XYLT1: variants seen among roughly 807,000 people sequenced by gnomAD.
The protein encoded by XYLT1 is beta-D-xylosyltransferase 1.
Under a neutral mutation model 91.3 loss-of-function variants are expected in XYLT1, and 36 were observed. The ratio of observed to expected loss-of-function variants is 0.39; its 90% confidence interval spans 0.30 to 0.52. The LOEUF (loss-of-function observed/expected upper bound fraction) is 0.52, where lower values mean the gene tolerates loss of function less well. Ranked by LOEUF, XYLT1 falls within the 20% of genes least tolerant of loss-of-function variation. The probability of loss-of-function intolerance (pLI) is 0.68; values close to 1 mark genes in which losing one functional copy is unlikely to be tolerated. For synonymous variants in XYLT1, 588 were observed against 532.0 expected (o/e 1.11, Z -1.45); for missense variants, 1,242 against 1,284.5 (o/e 0.97, Z 0.51).
At chr16:17,460,598 G>A (rs372206821) in intron 1 of XYLT1, among the ~76,000 whole-genome samples, 24 of 152,298 alleles carry the variant, frequency 1.6e-4, no homozygotes, top group African/African-American at 4.8e-4. Context: ...GCCAAGAGGG[G>A]CCAGCCAGGT....
At chr16:17,376,777 A>G (rs1448217372) in intron 1 of XYLT1, among the ~76,000 whole-genome samples, 1 of 135,432 alleles carries the variant, frequency 7.4e-6, no homozygotes, top group Non-Finnish European at 1.5e-5. Context: ...CAGTGAGCCG[A>G]GATTGTGCCA....
intron 1 of XYLT1, among the ~76,000 whole-genome samples, chr16:17,440,777 G>A (rs896522371): frequency 6.6e-5 from 10 of 152,148 alleles, no homozygotes; most frequent in African/African-American, 1.9e-4. Context: ...TCTCTGCTAC[G>A]ATCTATAATA....
chr16:17,155,437 T>C (rs1461891493), intron 6 of XYLT1, among the ~76,000 whole-genome samples: 2 of 152,200 alleles, frequency 1.3e-5, no homozygotes, highest in Admixed American at 6.5e-5. Flanking sequence ...CTGGTAATGT[T>C]CTTTACCCTT....
intron 11 of XYLT1, among the ~76,000 whole-genome samples, chr16:17,110,441 T>G (rs1343597856): frequency 6.6e-6 from 1 of 152,182 alleles, no homozygotes; most frequent in Non-Finnish European, 1.5e-5. Context: ...TCTGATGGTT[T>G]TTTAAAGGGG....
chr16:17,347,724 G>A (rs999587148), intron 2 of XYLT1, among the ~76,000 whole-genome samples: 1 of 152,226 alleles, frequency 6.6e-6, no homozygotes, highest in Non-Finnish European at 1.5e-5. Flanking sequence ...TGGCAGTGCT[G>A]AGCCAGCGAG....
chr16:17,382,142 G>C (rs1225647451), intron 1 of XYLT1, among the ~76,000 whole-genome samples: 1 of 151,894 alleles, frequency 6.6e-6, no homozygotes, highest in East Asian at 2.0e-4. Flanking sequence ...GATTCACAGT[G>C]AGAGAAGCCA....
chr16:17,243,649 C>T (rs13338458), intron 3 of XYLT1, among the ~76,000 whole-genome samples: 2 of 152,102 alleles, frequency 1.3e-5, no homozygotes, highest in African/African-American at 2.4e-5. Flanking sequence ...CCAAGCCGAC[C>T]GACTCAAGCT....
At chr16:17,385,132 T>C (rs1476257602) in intron 1 of XYLT1, among the ~76,000 whole-genome samples, 1 of 151,774 alleles carries the variant, frequency 6.6e-6, no homozygotes, top group African/African-American at 2.4e-5. Context: ...CATGATCCGA[T>C]GAAGAGACAA....
chr16:17,333,053 C>A (rs905929623), intron 2 of XYLT1, among the ~76,000 whole-genome samples: 20 of 150,760 alleles, frequency 1.3e-4, no homozygotes, highest in African/African-American at 4.6e-4. Flanking sequence ...TTTTTTTTTT[C>A]TTCCCTCTCA....
chr16:17,413,658 G>A (rs922774777), intron 1 of XYLT1, among the ~76,000 whole-genome samples: 1 of 152,026 alleles, frequency 6.6e-6, no homozygotes, highest in Non-Finnish European at 1.5e-5. Flanking sequence ...GGCCGGTCTT[G>A]AACTCCTGGG....
intron 3 of XYLT1, among the ~76,000 whole-genome samples, chr16:17,252,872 G>C (rs2033563373): frequency 6.6e-6 from 1 of 152,168 alleles, no homozygotes; most frequent in African/African-American, 2.4e-5. Context: ...GCACACTCTT[G>C]GCTGAAGTTT....
At position 17,108,631 on chromosome 16, in the gene XYLT1, C is replaced by T; in HGVS notation, c.*64G>A. 1 of 1,468,074 alleles carries T rather than the reference C, an allele frequency of 6.8e-7. No homozygotes were observed. The highest frequency in any genetic ancestry group is 9.0e-7 in the Non-Finnish European group (1 of 1,104,988). 90.9% of individuals were successfully genotyped at this position (1,468,074 alleles called of 1,614,324 possible). On this transcript the variant is annotated 3_prime_UTR_variant, in exon 12 of 12. Coordinates refer to ENST00000261381, the MANE Select transcript of XYLT1 (RefSeq NM_022166.4). ...CAGGGTGGGAGGCCGGGGTTCAGGC[C>T]CCACAACCCCTCTGGCTGCTTTCCC...
chr16:17,230,826 C>A (rs1205740604), intron 3 of XYLT1, among the ~76,000 whole-genome samples: 1 of 152,242 alleles, frequency 6.6e-6, no homozygotes, highest in Admixed American at 6.5e-5. Context: ...GTGATATAGC[C>A]CCCTAGATAC....
intron 2 of XYLT1, among the ~76,000 whole-genome samples, chr16:17,288,455 T>C (rs1385737550): frequency 6.6e-6 from 1 of 152,180 alleles, no homozygotes; most frequent in African/African-American, 2.4e-5. Context: ...TTTGTTCTTC[T>C]TGGGGCTTGT....
chr16:17,138,579 C>CAGATGAACTGGGGTGGGAAATGGTG, intron 7 of XYLT1, 48 bp from the exon 8 acceptor site: 1 of 1,590,620 alleles, frequency 6.3e-7, no homozygotes, highest in Non-Finnish European at 8.6e-7. Flanking sequence ...CAGCCTCCCA[C>CAGATGAACTGGGGTGGGAAATGGTG]AGATGAACTG....
intron 9 of XYLT1, 116 bp from the exon 10 acceptor site, chr16:17,127,977 C>T (rs983249625): frequency 2.2e-6 from 2 of 898,374 alleles, no homozygotes; most frequent in Non-Finnish European, 3.3e-6. Flanking sequence ...ACAATGCCTA[C>T]TGTTTTCCTT....
At chr16:17,262,609 C>T (rs1031458976) in intron 2 of XYLT1, among the ~76,000 whole-genome samples, 1 of 152,100 alleles carries the variant, frequency 6.6e-6, no homozygotes, top group African/African-American at 2.4e-5. Flanking sequence ...ATTGTATGTC[C>T]CTATCCCTTG....
intron 5 of XYLT1, among the ~76,000 whole-genome samples, chr16:17,173,617 C>G (rs1353547165): frequency 6.6e-6 from 1 of 152,266 alleles, no homozygotes; most frequent in Non-Finnish European, 1.5e-5. Flanking sequence ...ATCTCCGAGT[C>G]TGTGCCAGGT....
intron 3 of XYLT1, among the ~76,000 whole-genome samples, chr16:17,207,052 C>CTTTTTTTTT (rs1211378641): frequency 8.3e-4 from 100 of 121,028 alleles, no homozygotes; most frequent in Non-Finnish European, 1.3e-3. Context: ...TCTTTTCTTT[C>CTTTTTTTTT]TTTTTTTTTT....
Sources: gnomAD v4.1 joint callset for allele counts (sites outside exome capture counted in the v4.1 genomes callset) on GRCh38, gnomAD v4.1.1 for gene constraint, MANE v1.5 for transcripts, NCBI Gene and HGNC (gene_info 2026-07-23, HGNC 2026-07-21) for gene names.